The following WDR59 variants were observed in gnomAD, a reference collection of about 807,000 sequenced individuals.
WDR59 encodes GATOR2 complex protein WDR59.
Under a neutral mutation model 131.2 loss-of-function variants are expected in WDR59, and 100 were observed. That is an observed-to-expected ratio of 0.76 (90% CI 0.65 to 0.90). The LOEUF (loss-of-function observed/expected upper bound fraction) is 0.90, where lower values mean the gene tolerates loss of function less well. WDR59 is among the 40% of genes least tolerant of loss of function. WDR59 has a pLI of 0.00. For synonymous variants in WDR59, 601 were observed against 466.2 expected, an observed-to-expected ratio of 1.29 and a Z score of -3.72; for missense variants, 1,203 against 1,262.2, an observed-to-expected ratio of 0.95 and a Z score of 0.71.
At chr16:74,974,790 T>G (rs1341707103) in intron 1 of WDR59, among the ~76,000 whole-genome samples, 1 of 152,130 alleles carries the variant, frequency 6.6e-6, no homozygotes, top group African/African-American at 2.4e-5. Flanking sequence ...TGAACTTCCT[T>G]GGTACACAAT....
intron 22 of WDR59, 42 bp downstream of exon 22, chr16:74,888,117 CAAAAAAAAAA>C (rs35324656): frequency 1.7e-4 from 207 of 1,235,502 alleles, no homozygotes; most frequent in Non-Finnish European, 2.0e-4. Flanking sequence ...AACTCCGTCT[CAAAAAAAAAA>C]AAAAAAAAAA....
chr16:74,972,438 T>C (rs1265884963), intron 1 of WDR59, among the ~76,000 whole-genome samples: 1 of 152,116 alleles, frequency 6.6e-6, no homozygotes, highest in Non-Finnish European at 1.5e-5. Context: ...CCACAATTTA[T>C]CAAAGGGAGG....
chr16:74,907,693 A>G (rs1965883598), intron 17 of WDR59, among the ~76,000 whole-genome samples: 1 of 152,208 alleles, frequency 6.6e-6, no homozygotes, highest in Admixed American at 6.5e-5. Context: ...GCAACTTATT[A>G]TATCTTGGTC....
chr16:74,874,400 T>C lies in WDR59; in HGVS notation c.2734A>G (p.Thr912Ala). ...AAGCCTTTGCAGATGGCACACTGCG[T>C]GCCACGGACCTCACTCCGGCAGTGG... ...CSHCRSEVRG[T>A]QCAICKGFTF... The change falls in exon 26 of 26, where the codon ACG becomes GCG. Residue 912 changes from threonine to alanine, a missense_variant. Coordinates refer to ENST00000262144, the MANE Select transcript of WDR59 (RefSeq NM_030581.4). The C allele has an allele frequency of 6.2e-7, 1 of 1,614,034 alleles. No homozygotes were observed. The highest frequency in any genetic ancestry group is 2.2e-5 in the East Asian group (1 of 44,872).
intron 1 of WDR59, among the ~76,000 whole-genome samples, chr16:74,977,802 TG>T (rs2034247838): frequency 6.6e-6 from 1 of 152,156 alleles, no homozygotes; most frequent in Admixed American, 6.6e-5. Context: ...CATAAACAGG[TG>T]AATGAATACA....
At chr16:74,923,662 G>A (rs1274071005) in intron 9 of WDR59, among the ~76,000 whole-genome samples, 1 of 152,012 alleles carries the variant, frequency 6.6e-6, no homozygotes, top group Non-Finnish European at 1.5e-5. Flanking sequence ...ATTTTTAGTA[G>A]AGACGGGGTT....
chr16:74,881,883 A>AG (rs1964505195), intron 25 of WDR59, among the ~76,000 whole-genome samples: 1 of 151,300 alleles, frequency 6.6e-6, no homozygotes, highest in African/African-American at 2.4e-5. Flanking sequence ...AAAAAAAAAA[A>AG]AAAAGAAAAA....
chr16:74,970,087 C>G (rs1402577167), intron 1 of WDR59, among the ~76,000 whole-genome samples: 1 of 152,144 alleles, frequency 6.6e-6, no homozygotes, highest in Non-Finnish European at 1.5e-5. Context: ...CCACACCCAG[C>G]TAATTTTTTG....
intron 1 of WDR59, among the ~76,000 whole-genome samples, chr16:74,981,639 T>TATATATATATATATATAC (rs2034419810): frequency 4.9e-5 from 2 of 40,892 alleles, no homozygotes; most frequent in African/African-American, 2.6e-4. Flanking sequence ...TATATATATA[T>TATATATATATATATATAC]ATATATATAT....
intron 18 of WDR59, 71 bp downstream of exon 18, chr16:74,903,876 C>T (rs1965675118): frequency 6.6e-7 from 1 of 1,522,772 alleles, no homozygotes; most frequent in Non-Finnish European, 8.9e-7. Context: ...AGCTGCTGCG[C>T]CAGGCAGGAG....
At chr16:74,981,016 T>C (rs2145261027) in intron 1 of WDR59, among the ~76,000 whole-genome samples, 1 of 149,280 alleles carries the variant, frequency 6.7e-6, no homozygotes, top group Admixed American at 6.8e-5. Flanking sequence ...TCACTTCAGC[T>C]CAGGAGTTCA....
chr16:74,915,830 C>T lies in WDR59; in HGVS notation c.1224+40G>A, dbSNP rs777711859. The T allele has an allele frequency of 8.1e-6, 13 of 1,612,496 alleles. No individual in the cohort carries two copies. In the Admixed American group the frequency reaches 2.2e-4, roughly 27 times the overall value. On this transcript the variant is annotated intron_variant, in intron 13 of 25. Coordinates refer to ENST00000262144, the MANE Select transcript of WDR59 (RefSeq NM_030581.4). ...AAATGGTTCCCTCTCCCACAAACTG[C>T]CATCAGCAAACATGAGATACAGTTG...
chr16:74,884,153 A>C (rs72798605), intron 25 of WDR59, among the ~76,000 whole-genome samples: 9,339 of 152,192 alleles, frequency 0.061, 348 homozygotes, highest in South Asian at 0.092. Flanking sequence ...CTCCAACTCT[A>C]GCGATGCCAC....
intron 9 of WDR59, among the ~76,000 whole-genome samples, chr16:74,923,720 G>A (rs963289257): frequency 3.3e-5 from 5 of 152,010 alleles, no homozygotes; most frequent in Admixed American, 1.3e-4. Context: ...GGGGATCCAG[G>A]TGTGAGCCAC....
chr16:74,898,326 C>T (rs1965388037), intron 18 of WDR59, among the ~76,000 whole-genome samples: 1 of 152,184 alleles, frequency 6.6e-6, no homozygotes, highest in African/African-American at 2.4e-5. Context: ...GGATACCTCT[C>T]TATGCAGTAA....
At position 74,915,852 on chromosome 16, in the gene WDR59, GTT is replaced by G. The variant is rs1227701532; in HGVS notation, c.1224+16_1224+17del. ...CTGCCATCAGCAAACATGAGATACA[GTT>G]GATTAAACTAAGTACCTCCACATTG... On this transcript the variant is annotated intron_variant, in intron 13 of 25. Coordinates refer to ENST00000262144, the MANE Select transcript of WDR59 (RefSeq NM_030581.4). 1 of 1,614,188 alleles carries G rather than the reference GTT, an allele frequency of 6.2e-7. No individual in the cohort carries two copies.
rs754315500 is a variant in WDR59 at position 74,916,160 on chromosome 16, G to C, written c.1066C>G (p.His356Asp). The change falls in exon 12 of 26, where the codon CAC (histidine) becomes GAC (aspartate). Residue 356 changes from histidine (H) to aspartate (D), a missense_variant. Transcript: ENST00000262144. ...EKTLHTEDTD[H>D]QHTASHGEEE... is the part of the protein sequence containing the mutation. ...TCCCCATGGCTTGCAGTGTGCTGGT[G>C]ATCTGTATCTTCAGTGTGCAGGGTC... The C allele has an allele frequency of 1.9e-6, 3 of 1,614,188 alleles. No homozygotes were observed. In the South Asian group the frequency reaches 3.3e-5, roughly 18 times the overall value.
At chr16:74,899,547 C>A (rs1965448114) in intron 18 of WDR59, among the ~76,000 whole-genome samples, 1 of 152,158 alleles carries the variant, frequency 6.6e-6, no homozygotes, top group African/African-American at 2.4e-5. Flanking sequence ...GGTGTCTGAA[C>A]TCCCCCAAGC....
intron 6 of WDR59, among the ~76,000 whole-genome samples, chr16:74,947,225 G>A (rs2032705331): frequency 6.6e-6 from 1 of 152,174 alleles, no homozygotes; most frequent in African/African-American, 2.4e-5. Flanking sequence ...AAGTCGGGTG[G>A]ATCACCTGAG....
Sources: gnomAD v4.1 joint callset for allele counts (sites outside exome capture counted in the v4.1 genomes callset) on GRCh38, gnomAD v4.1.1 for gene constraint, MANE v1.5 for transcripts, NCBI Gene and HGNC (gene_info 2026-07-23, HGNC 2026-07-21) for gene names.